The following HPD variants were observed in gnomAD, a reference collection of about 807,000 sequenced individuals.
HPD encodes the protein 4-hydroxyphenylpyruvic acid oxidase.
A neutral mutation model predicts 56.9 loss-of-function variants in HPD; 35 were observed. The ratio of observed to expected loss-of-function variants is 0.62; its 90% CI spans 0.47 to 0.82. HPD has a LOEUF of 0.82. Among genes scored for constraint, HPD ranks in the 40% least tolerant of loss-of-function variants. The probability of loss-of-function intolerance (pLI) is 0.00; values close to 1 mark genes in which losing one functional copy is unlikely to be tolerated. For synonymous variants in HPD, 186 were observed against 200.2 expected (o/e 0.93, Z 0.60); for missense variants, 442 against 506.8 (o/e 0.87, Z 1.23).
At chr12:121,859,175 G>T, upstream of HPD, 1 of 392,100 alleles carries the variant, frequency 2.6e-6, no homozygotes, top group Non-Finnish European at 4.8e-6. Flanking sequence ...GTGCAGTGGC[G>T]GCTCCAGAAC....
chr12:121,862,509 C>T (rs1328881192), upstream of HPD, among the ~76,000 whole-genome samples: 4 of 150,652 alleles, frequency 2.7e-5, no homozygotes, highest in African/African-American at 9.8e-5. Context: ...GTTGGTCAGG[C>T]ATGTCTCGAA....
At chr12:121,857,465 G>A (rs1224775425) in intron 3 of HPD, 33 bp from the exon 4 acceptor site, 1 of 1,494,168 alleles carries the variant, frequency 6.7e-7, no homozygotes, top group Non-Finnish European at 9.3e-7. Flanking sequence ...GGTTCATGAG[G>A]GTCAAGGGGC....
intron 9 of HPD, among the ~76,000 whole-genome samples, chr12:121,848,708 C>A (rs185873218): frequency 6.6e-6 from 1 of 152,104 alleles, no homozygotes; most frequent in African/African-American, 2.4e-5. Context: ...CGGGTTCAAG[C>A]GATTCTCCTG....
chr12:121,873,589 C>T, the HPD span, among the ~76,000 whole-genome samples: 2 of 152,050 alleles, frequency 1.3e-5, no homozygotes, highest in African/African-American at 4.8e-5. Context: ...GAAGCTGAGG[C>T]GGGCGGATCA....
chr12:121,841,898 T>A (rs1364620291), intron 12 of HPD, among the ~76,000 whole-genome samples: 3 of 152,144 alleles, frequency 2.0e-5, no homozygotes, highest in East Asian at 3.9e-4. Context: ...TTGGCCAGGC[T>A]GGTCTTGAAC....
At chr12:121,882,385 A>G in the HPD span, among the ~76,000 whole-genome samples, 1 of 152,112 alleles carries the variant, frequency 6.6e-6, no homozygotes, top group Admixed American at 6.6e-5. Context: ...GAAGATGAGC[A>G]AGATGTGAAA....
chr12:121,884,363 A>G, the HPD span, among the ~76,000 whole-genome samples: 3 of 151,994 alleles, frequency 2.0e-5, no homozygotes, highest in Non-Finnish European at 1.5e-5. Context: ...GGGTTTTACT[A>G]TGTTGGCCAG....
the HPD span, among the ~76,000 whole-genome samples, chr12:121,871,096 T>C: frequency 6.6e-6 from 1 of 152,148 alleles, no homozygotes; most frequent in South Asian, 2.1e-4. Flanking sequence ...AAAAATTGGA[T>C]CTAGGCTGTA....
Position 121,856,920 on chromosome 12 carries a change from C to G in HPD, c.199-295G>C, listed in dbSNP as rs925139662. Reference sequence around the variant, plus strand: ...CTTAAAATTCCTCTCCTCTGATATCCCAGGTTTTCTGAGCACCTGTGGGGT... The same window carrying G: ...CTTAAAATTCCTCTCCTCTGATATCGCAGGTTTTCTGAGCACCTGTGGGGT... On this transcript the variant is annotated intron_variant, in intron 4 of 13. Transcript: ENST00000289004. The G allele has an allele frequency of 1.1e-5, 6 of 525,872 alleles. No homozygotes were observed. In the African/African-American group the frequency reaches 1.1e-4, roughly 10 times the overall value. 32.6% of individuals were successfully genotyped at this position (525,872 alleles called of 1,614,324 possible).
At chr12:121,865,187 G>A (rs566281412), upstream of HPD, among the ~76,000 whole-genome samples, 2 of 152,176 alleles carry the variant, frequency 1.3e-5, no homozygotes, top group South Asian at 4.1e-4. Flanking sequence ...AGAATCGCTT[G>A]AACCTGGGAG....
intron 7 of HPD, among the ~76,000 whole-genome samples, chr12:121,851,701 T>A (rs1877782401): frequency 9.0e-4 from 1 of 1,106 alleles, no homozygotes; most frequent in Admixed American, 2.6e-3. Flanking sequence ...ATTTATTTAT[T>A]TTTTTTTTTT....
At chr12:121,887,688 T>C in the HPD span, among the ~76,000 whole-genome samples, 1 of 152,238 alleles carries the variant, frequency 6.6e-6, no homozygotes, top group Non-Finnish European at 1.5e-5. Flanking sequence ...ATTTAGTTGA[T>C]GCACATCTTT....
chr12:121,863,961 C>T (rs1205877253), upstream of HPD, among the ~76,000 whole-genome samples: 2 of 151,504 alleles, frequency 1.3e-5, no homozygotes, highest in Non-Finnish European at 2.9e-5. Flanking sequence ...GGCACGGTGG[C>T]TCATGCCTGT....
the HPD span, among the ~76,000 whole-genome samples, chr12:121,887,891 A>G: frequency 1.3e-5 from 2 of 152,198 alleles, no homozygotes; most frequent in Non-Finnish European, 2.9e-5. Context: ...AATACTACAC[A>G]GATGACCGCT....
At chr12:121,850,472 C>CTTTTT (rs572420297) in intron 7 of HPD, among the ~76,000 whole-genome samples, 1 of 120,164 alleles carries the variant, frequency 8.3e-6, no homozygotes, top group African/African-American at 3.0e-5. Flanking sequence ...CTTTAACCAT[C>CTTTTT]TTTTTTTTTT....
intron 9 of HPD, among the ~76,000 whole-genome samples, chr12:121,847,650 G>C (rs1002337931): frequency 6.6e-6 from 1 of 152,184 alleles, no homozygotes; most frequent in African/African-American, 2.4e-5. Context: ...CGATTCTCCT[G>C]CCTCAGCCTC....
At chr12:121,887,675 T>G in the HPD span, among the ~76,000 whole-genome samples, 1 of 152,202 alleles carries the variant, frequency 6.6e-6, no homozygotes, top group African/African-American at 2.4e-5. Flanking sequence ...CCTGGCCCAT[T>G]GCATTTAGTT....
intron 12 of HPD, among the ~76,000 whole-genome samples, chr12:121,842,474 G>T (rs934775212): frequency 2.6e-5 from 4 of 152,090 alleles, no homozygotes; most frequent in Non-Finnish European, 5.9e-5. Flanking sequence ...CACCCAGGCT[G>T]GAGTGCAGTG....
chr12:121,878,754 G>A, the HPD span, among the ~76,000 whole-genome samples: 1 of 150,658 alleles, frequency 6.6e-6, no homozygotes, highest in Admixed American at 6.6e-5. Context: ...ACTCACTGCA[G>A]CCTCAAAATC....
Sources: gnomAD v4.1 joint callset for allele counts (sites outside exome capture counted in the v4.1 genomes callset) on GRCh38, gnomAD v4.1.1 for gene constraint, MANE v1.5 for transcripts, NCBI Gene and HGNC (gene_info 2026-07-23, HGNC 2026-07-21) for gene names.